The following RCOR1 variants were observed in gnomAD, a reference collection of about 807,000 sequenced individuals.
The protein encoded by RCOR1 is REST corepressor.
A neutral mutation model predicts 64.0 loss-of-function variants in RCOR1; 12 were observed. The observed-to-expected ratio is 0.19, with a 90% CI of 0.12 to 0.30. The LOEUF is 0.30. RCOR1 is among the 10% of genes least tolerant of loss of function. The pLI, the probability that RCOR1 is intolerant of heterozygous loss-of-function variation, is 1.00. For missense variants in RCOR1, 502 were observed against 621.2 expected (o/e 0.81, Z 2.04); for synonymous variants, 279 against 227.2 (o/e 1.23, Z -2.05).
At chr14:102,673,701 C>T (rs569011555) in intron 2 of RCOR1, among the ~76,000 whole-genome samples, 14 of 152,124 alleles carry the variant, frequency 9.2e-5, no homozygotes, top group South Asian at 4.1e-4. Context: ...CCGCAACCTC[C>T]GCCTCCCGGG....
chr14:102,705,745 C>T (rs1013578486), intron 4 of RCOR1, among the ~76,000 whole-genome samples: 1 of 152,068 alleles, frequency 6.6e-6, no homozygotes, highest in Non-Finnish European at 1.5e-5. Context: ...AGGTGTGAGC[C>T]ACAACACCCA....
intron 3 of RCOR1, 54 bp from the exon 4 acceptor site, chr14:102,701,224 T>C: frequency 7.2e-7 from 1 of 1,388,546 alleles, no homozygotes; most frequent in Non-Finnish European, 1.0e-6. Flanking sequence ...TAGCAGACCA[T>C]AGGGTGTACT....
intron 4 of RCOR1, among the ~76,000 whole-genome samples, chr14:102,704,309 C>G (rs975356129): frequency 1.1e-4 from 16 of 152,222 alleles, no homozygotes; most frequent in Non-Finnish European, 2.2e-4. Context: ...CGATTTCCTC[C>G]CTGATCCCAG....
At chr14:102,611,001 T>C (rs532678256) in intron 2 of RCOR1, among the ~76,000 whole-genome samples, 1 of 152,152 alleles carries the variant, frequency 6.6e-6, no homozygotes, top group Non-Finnish European at 1.5e-5. Flanking sequence ...ATATTGCCAA[T>C]AAGGTGTTCA....
At chr14:102,612,986 C>G in intron 2 of RCOR1, among the ~76,000 whole-genome samples, 1 of 150,514 alleles carries the variant, frequency 6.6e-6, no homozygotes, top group East Asian at 1.9e-4. Context: ...AAAAACAAAT[C>G]TGACTACCGT....
chr14:102,680,735 G>T (rs900896373), intron 2 of RCOR1, among the ~76,000 whole-genome samples: 14 of 152,138 alleles, frequency 9.2e-5, no homozygotes, highest in Non-Finnish European at 1.9e-4. Context: ...AGCCTGGGAG[G>T]CAGAGGTTGC....
At chr14:102,638,702 A>G (rs752732119) in intron 2 of RCOR1, among the ~76,000 whole-genome samples, 13 of 149,426 alleles carry the variant, frequency 8.7e-5, no homozygotes, top group African/African-American at 1.5e-4. Context: ...GAGTCTTGCT[A>G]TGTTGTCCAG....
intron 8 of RCOR1, among the ~76,000 whole-genome samples, chr14:102,720,569 G>A (rs946664265): frequency 2.1e-5 from 3 of 142,674 alleles, no homozygotes; most frequent in Admixed American, 6.9e-5. Flanking sequence ...AGTGATCTTG[G>A]GGCGCTGTGA....
intron 2 of RCOR1, among the ~76,000 whole-genome samples, chr14:102,619,885 C>T (rs998536952): frequency 3.3e-5 from 5 of 152,158 alleles, no homozygotes; most frequent in Admixed American, 2.0e-4. Context: ...TAGTAATAAT[C>T]TCTTTAATTA....
chr14:102,712,608 C>G (rs952704062), intron 7 of RCOR1, among the ~76,000 whole-genome samples: 2 of 151,062 alleles, frequency 1.3e-5, no homozygotes, highest in Non-Finnish European at 2.9e-5. Context: ...TTCATTAGAA[C>G]CGATTCCTGG....
At chr14:102,643,771 G>A (rs1463439255) in intron 2 of RCOR1, among the ~76,000 whole-genome samples, 3 of 152,176 alleles carry the variant, frequency 2.0e-5, no homozygotes, top group Non-Finnish European at 4.4e-5. Context: ...AGGACGGGTG[G>A]AAACTATCTG....
intron 3 of RCOR1, among the ~76,000 whole-genome samples, chr14:102,694,008 T>G (rs1895594327): frequency 6.6e-6 from 1 of 152,160 alleles, no homozygotes; most frequent in Non-Finnish European, 1.5e-5. Flanking sequence ...AATCTTTTGT[T>G]TTTTGTATGA....
At chr14:102,605,141 T>C (rs1345969375) in intron 2 of RCOR1, among the ~76,000 whole-genome samples, 1 of 151,862 alleles carries the variant, frequency 6.6e-6, no homozygotes, top group Non-Finnish European at 1.5e-5. Flanking sequence ...ATTGATTAGT[T>C]GTTTCCATGT....
intron 2 of RCOR1, among the ~76,000 whole-genome samples, chr14:102,634,690 A>ATG (rs1452648805): frequency 6.7e-6 from 1 of 150,122 alleles, no homozygotes; most frequent in African/African-American, 2.5e-5. Context: ...ACATATATAT[A>ATG]TGTGTGTATA....
intron 2 of RCOR1, among the ~76,000 whole-genome samples, chr14:102,596,481 A>G (rs1321286735): frequency 6.6e-6 from 1 of 152,228 alleles, no homozygotes; most frequent in African/African-American, 2.4e-5. Flanking sequence ...ACTGCAATTT[A>G]AGAGTAGTGA....
At chr14:102,695,993 C>T (rs888878374) in intron 3 of RCOR1, among the ~76,000 whole-genome samples, 8 of 152,082 alleles carry the variant, frequency 5.3e-5, no homozygotes, top group African/African-American at 1.9e-4. Flanking sequence ...TTGTAAAGAG[C>T]TTAAAACAAT....
At chr14:102,685,808 C>G (rs1335237346) in intron 3 of RCOR1, among the ~76,000 whole-genome samples, 1 of 151,966 alleles carries the variant, frequency 6.6e-6, no homozygotes. Flanking sequence ...TCAAAAAGTC[C>G]AAAAGTTAGC....
intron 2 of RCOR1, among the ~76,000 whole-genome samples, chr14:102,598,447 CTTTTTTTTTT>C (rs34776749): frequency 7.9e-6 from 1 of 127,278 alleles, no homozygotes; most frequent in Non-Finnish European, 1.6e-5. Context: ...TGATTCAGTT[CTTTTTTTTTT>C]TTTTTTTTGA....
chr14:102,676,562 A>G (rs1329411143), intron 2 of RCOR1, among the ~76,000 whole-genome samples: 22 of 36,808 alleles, frequency 6.0e-4, no homozygotes, highest in Middle Eastern at 0.024. Flanking sequence ...GGGGCTCCTC[A>G]CTTCCCAGTA....
Sources: allele counts gnomAD v4.1 joint callset (sites outside exome capture counted in the v4.1 genomes callset), GRCh38; gene constraint gnomAD v4.1.1; transcripts MANE v1.5; gene names NCBI Gene and HGNC (gene_info 2026-07-23, HGNC 2026-07-21).